Variants in CTNNBIP1 observed in about 807,000 individuals in gnomAD.
CTNNBIP1 encodes catenin beta interacting protein 1.
Under a neutral mutation model 11.8 loss-of-function variants are expected in CTNNBIP1, and 7 were observed. The observed-to-expected ratio is 0.60, with a 90% CI of 0.34 to 1.12. The LOEUF (loss-of-function observed/expected upper bound fraction) is 1.12, where lower values mean the gene tolerates loss of function less well. Among genes scored for constraint, CTNNBIP1 ranks in the 50% most tolerant of loss-of-function variants. The pLI, the probability that CTNNBIP1 is intolerant of heterozygous loss-of-function variation, is 0.03. For synonymous variants in CTNNBIP1, 58 were observed against 43.9 expected (o/e 1.32, Z -1.26); for missense variants, 101 against 113.4 (o/e 0.89, Z 0.50).
Position 9,867,386 on chromosome 1 carries a change from C to A in CTNNBIP1, c.187+3801G>T, listed in dbSNP as rs537152357. Among the ~76,000 whole-genome samples, 4 of 152,288 alleles carry A rather than the reference C, an allele frequency of 2.6e-5. 1 individual carries two copies. In the South Asian group the frequency reaches 8.3e-4, roughly 32 times the overall value. ...CAACAAATGTGACCGAGGAAGGAATCGAAGGGTAGGGGGTAAAGGGGTGCC... is the reference window on the plus strand; with the variant it reads ...CAACAAATGTGACCGAGGAAGGAATAGAAGGGTAGGGGGTAAAGGGGTGCC... On this transcript the variant is annotated intron_variant, in intron 5 of 5. Coordinates refer to ENST00000377263, the MANE Select transcript of CTNNBIP1 (RefSeq NM_020248.3). The surrounding 1 kb of genome is among the most constrained non-coding windows in gnomAD (Gnocchi z 4.6).
rs902095630 is a variant in CTNNBIP1, at chr1:9,872,005, G to T, written c.60C>A (p.Val20=). The part of the protein sequence containing the change: ...SPEEMYIQQK[V]RVLLMLRKMG... ...TCTTCCGCAGCATGAGCAGCACTCGGACCTTCTGCTGAATGTACATCTCCT... is the reference window on the plus strand; with the variant it reads ...TCTTCCGCAGCATGAGCAGCACTCGTACCTTCTGCTGAATGTACATCTCCT... The change falls in exon 4 of 6, where the codon GTC becomes GTA. Residue 20 remains valine (V), a synonymous_variant. Coordinates refer to ENST00000377263, the MANE Select transcript of CTNNBIP1 (RefSeq NM_020248.3). This position sits in a 1 kb window ranked among gnomAD's most constrained non-coding sequence, Gnocchi z 4.0. 2.5e-6 allele frequency: 4 copies of T among 1,614,048 alleles called. No individual in the cohort carries two copies. Among genetic ancestry groups the T allele is most frequent in the African/African-American group, 2.7e-5 (2 of 74,944 alleles).
intron 1 of CTNNBIP1, among the ~76,000 whole-genome samples, chr1:9,891,781 ATTTTTTTTT>A (rs70998316): frequency 1.8e-4 from 15 of 81,410 alleles, no homozygotes; most frequent in African/African-American, 6.5e-4. Flanking sequence ...ATCTCTTTAA[ATTTTTTTTT>A]TTTTTTTTTT....
chr1:9,892,575 A>G (rs557090002), intron 1 of CTNNBIP1, among the ~76,000 whole-genome samples: 1 of 151,412 alleles, frequency 6.6e-6, no homozygotes, highest in Non-Finnish European at 1.5e-5. Context: ...CCTGGGCAAC[A>G]GAGCGAGACT....
chr1:9,898,792 C>A (rs1168658026), intron 1 of CTNNBIP1, among the ~76,000 whole-genome samples: 21 of 152,158 alleles, frequency 1.4e-4, no homozygotes, highest in Admixed American at 1.4e-3. Flanking sequence ...TGCATGTAAC[C>A]TATGCACATC....
At position 9,867,737 on chromosome 1, in the gene CTNNBIP1, C is replaced by G. The variant is rs1369196957; in HGVS notation, c.187+3450G>C. On this transcript the variant is annotated intron_variant, in intron 5 of 5. Coordinates refer to ENST00000377263, the MANE Select transcript of CTNNBIP1 (RefSeq NM_020248.3). This position sits in a 1 kb window ranked among gnomAD's most constrained non-coding sequence, Gnocchi z 4.6. ...GGTTCATTATGGCAGTCTCTGCACC[C>G]TGCTCTGGCCCCCGCATCCTGCCCC... 6.6e-6 allele frequency among the ~76,000 whole-genome samples: 1 copy of G among 152,222 alleles called. No homozygotes were observed. Among genetic ancestry groups the G allele is most frequent in the East Asian group, 1.9e-4 (1 of 5,194 alleles).
At chr1:9,892,378 C>T (rs1378894657) in intron 1 of CTNNBIP1, among the ~76,000 whole-genome samples, 7 of 150,228 alleles carry the variant, frequency 4.7e-5, no homozygotes, top group Non-Finnish European at 7.4e-5. Flanking sequence ...GCCGAGATCG[C>T]GCCACTGCAT....
chr1:9,868,071 C>T (rs1347010320), intron 5 of CTNNBIP1, among the ~76,000 whole-genome samples: 2 of 152,198 alleles, frequency 1.3e-5, no homozygotes, highest in African/African-American at 2.4e-5. Context: ...ATGGCTGACC[C>T]CTCCCCTCTC....
chr1:9,860,618 CAAAAAAAAAAA>C (rs35598626), intron 5 of CTNNBIP1, among the ~76,000 whole-genome samples: 1 of 101,138 alleles, frequency 9.9e-6, no homozygotes. Context: ...CTTCATCTCT[CAAAAAAAAAAA>C]AAAAAAGAAA....
chr1:9,900,432 C>T (rs1217639453), intron 1 of CTNNBIP1, among the ~76,000 whole-genome samples: 3 of 152,158 alleles, frequency 2.0e-5, no homozygotes, highest in Non-Finnish European at 4.4e-5. Context: ...TGAAAGAACA[C>T]CCTTCATCTG....
chr1:9,848,864 C>G lies in CTNNBIP1; in HGVS notation c.*1854G>C, dbSNP rs1638316836. ...CTCCTTCTGGAACAGGCTGATGGTG[C>G]CAGAGCACAGCACGAACCACCTACC... On this transcript the variant is annotated 3_prime_UTR_variant, in exon 6 of 6. Transcript: ENST00000377263. The surrounding 1 kb of genome is among the most constrained non-coding windows in gnomAD (Gnocchi z 4.3). The G allele has an allele frequency of 1.3e-5, 2 of 152,346 alleles. No homozygotes were observed. Among genetic ancestry groups the G allele is most frequent in the Non-Finnish European group, 2.9e-5 (2 of 68,146 alleles). 9.4% of individuals were successfully genotyped at this position (152,346 alleles called of 1,614,324 possible). A position where few individuals can be genotyped will look rare whatever the true frequency, so the allele number is the denominator to read the frequency against.
intron 1 of CTNNBIP1, among the ~76,000 whole-genome samples, chr1:9,905,805 A>G (rs1181047934): frequency 6.6e-6 from 1 of 152,194 alleles, no homozygotes; most frequent in Non-Finnish European, 1.5e-5. Flanking sequence ...TAAACTTCAT[A>G]AGAGCATGCC....
chr1:9,879,196 C>G (rs1336340790), intron 2 of CTNNBIP1, among the ~76,000 whole-genome samples: 2 of 146,808 alleles, frequency 1.4e-5, no homozygotes, highest in African/African-American at 2.5e-5. Context: ...GACTCCATCT[C>G]AAAAAAAAAA....
chr1:9,875,506 T>G (rs558663553), intron 3 of CTNNBIP1, among the ~76,000 whole-genome samples: 4 of 152,322 alleles, frequency 2.6e-5, no homozygotes, highest in Non-Finnish European at 5.9e-5. Flanking sequence ...AGCCTCGCCG[T>G]CCCGGGGACA....
At chr1:9,908,652 G>A (rs1639669878) in intron 1 of CTNNBIP1, among the ~76,000 whole-genome samples, 1 of 152,146 alleles carries the variant, frequency 6.6e-6, no homozygotes, top group Admixed American at 6.5e-5. Flanking sequence ...GTGAGCCACC[G>A]CGCCCGGCCA....
chr1:9,864,449 C>T (rs1289187907), intron 5 of CTNNBIP1, among the ~76,000 whole-genome samples: 2 of 152,234 alleles, frequency 1.3e-5, no homozygotes, highest in Admixed American at 1.3e-4. Flanking sequence ...CTGCCTCAGC[C>T]TCCTGAGTAG....
chr1:9,895,513 T>G (rs1362641195), intron 1 of CTNNBIP1, among the ~76,000 whole-genome samples: 3 of 148,658 alleles, frequency 2.0e-5, no homozygotes, highest in Non-Finnish European at 4.5e-5. Context: ...TTGTTTTGTT[T>G]TGAGATGGAG....
At chr1:9,857,207 G>A (rs372466684) in intron 5 of CTNNBIP1, among the ~76,000 whole-genome samples, 2 of 152,222 alleles carry the variant, frequency 1.3e-5, no homozygotes, top group Admixed American at 1.3e-4. Flanking sequence ...GTGGCTGGGC[G>A]CGGTGGCTCA....
At chr1:9,890,049 G>A (rs1475798965) in intron 1 of CTNNBIP1, among the ~76,000 whole-genome samples, 2 of 152,190 alleles carry the variant, frequency 1.3e-5, no homozygotes, top group Non-Finnish European at 1.5e-5. Flanking sequence ...GGAGGAACCT[G>A]CATGTTCCTA....
At chr1:9,853,571 T>C (rs896762125) in intron 5 of CTNNBIP1, among the ~76,000 whole-genome samples, 1 of 152,218 alleles carries the variant, frequency 6.6e-6, no homozygotes, top group Non-Finnish European at 1.5e-5. Context: ...AGTCTCGCTG[T>C]CCTGGATGCA....
Sources: gnomAD v4.1 joint callset for allele counts (sites outside exome capture counted in the v4.1 genomes callset) on GRCh38, gnomAD v4.1.1 for gene constraint, Gnocchi (gnomAD v3.1) non-coding constraint, MANE v1.5 for transcripts, NCBI Gene and HGNC (gene_info 2026-07-23, HGNC 2026-07-21) for gene names.